The following ADAM17 variants were observed in gnomAD, a reference collection of about 807,000 sequenced individuals.
The protein encoded by ADAM17 is disintegrin and metalloproteinase domain-containing protein 17.
A neutral mutation model predicts 96.7 loss-of-function variants in ADAM17; 39 were observed. The ratio of observed to expected loss-of-function variants is 0.40; its 90% CI spans 0.31 to 0.53. The LOEUF (loss-of-function observed/expected upper bound fraction) is 0.53. Among genes scored for constraint, ADAM17 ranks in the 20% least tolerant of loss-of-function variants. ADAM17 has a pLI of 0.44. For synonymous variants in ADAM17, 344 were observed against 359.2 expected, an observed-to-expected ratio of 0.96 and a Z score of 0.48; for missense variants, 777 against 1,013.2, an observed-to-expected ratio of 0.77 and a Z score of 3.17.
At position 9,490,216 on chromosome 2, in the gene ADAM17, C is replaced by T; in HGVS notation, c.2436G>A (p.Gln812=). 1 of 1,601,042 alleles carries T rather than the reference C, an allele frequency of 6.2e-7. No homozygotes were observed. Among genetic ancestry groups the T allele is most frequent in the Admixed American group, 1.7e-5 (1 of 59,846 alleles). The change falls in exon 19 of 19, where the codon CAG becomes CAA. Residue 812 remains glutamine, a synonymous_variant. Transcript: ENST00000310823. ...CTTTGCTGTCAACACGATTCTGACG[C>T]TGCAGTTTAAAGGAGGCAGCCTTTT... ...RSEKAASFKL[Q]RQNRVDSKET...
chr2:9,496,147 G>T (rs1662580494), intron 14 of ADAM17, among the ~76,000 whole-genome samples: 1 of 151,734 alleles, frequency 6.6e-6, no homozygotes, highest in South Asian at 2.1e-4. Context: ...TTATTTATTT[G>T]AAATGGAGTC....
chr2:9,548,109 G>A (rs1028070836), intron 1 of ADAM17, among the ~76,000 whole-genome samples: 2 of 151,420 alleles, frequency 1.3e-5, no homozygotes, highest in Admixed American at 1.3e-4. Flanking sequence ...CAAGGTGGGC[G>A]ATCACTTGAG....
intron 4 of ADAM17, among the ~76,000 whole-genome samples, chr2:9,530,327 G>A (rs1376731304): frequency 3.3e-5 from 5 of 152,070 alleles, no homozygotes; most frequent in Admixed American, 6.5e-5. Flanking sequence ...GCTGGCTTTG[G>A]GATCAGATAT....
At chr2:9,544,375 A>G (rs1195612404) in intron 1 of ADAM17, among the ~76,000 whole-genome samples, 1 of 151,814 alleles carries the variant, frequency 6.6e-6, no homozygotes, top group East Asian at 1.9e-4. Flanking sequence ...TCTACTAAAA[A>G]TACAAAATTA....
intron 6 of ADAM17, among the ~76,000 whole-genome samples, chr2:9,524,083 C>T (rs567835927): frequency 9.3e-5 from 14 of 151,278 alleles, no homozygotes; most frequent in African/African-American, 3.4e-4. Context: ...TTTCCTTTCT[C>T]TAGCTTACTT....
chr2:9,491,926 C>T (rs937459730), intron 17 of ADAM17, among the ~76,000 whole-genome samples: 4 of 152,214 alleles, frequency 2.6e-5, no homozygotes, highest in East Asian at 3.8e-4. Flanking sequence ...TAGAAGCAAT[C>T]GTGATGGATG....
In ADAM17 at chr2:9,526,239, C is replaced by T. The variant is rs1397135414; in HGVS notation, c.625G>A (p.Val209Ile). The T allele has an allele frequency of 6.2e-7, 1 of 1,613,388 alleles. No individual in the cohort carries two copies. Among genetic ancestry groups the T allele is most frequent in the Admixed American group, 1.7e-5 (1 of 59,910 alleles). ...LVDREPPEEL[V>I]HRVKRRADPD... is the part of the protein sequence containing the mutation. ...TCAGCTCTTCTTTTCACTCGATGAA[C>T]AAGCTCTAATATGAATTTGTATGCA... Residue 209 changes from valine (V) to isoleucine (I), a missense_variant, in exon 6 of 19, where the codon GTT becomes ATT. Val to Ile is a conservative substitution (Grantham distance 29). This residue lies in a region of ADAM17 where 446 missense variants were observed against 664.7 expected (regional missense o/e 0.67). Coordinates refer to ENST00000310823, the MANE Select transcript of ADAM17 (RefSeq NM_003183.6).
At chr2:9,538,369 C>T (rs1487008105) in intron 2 of ADAM17, among the ~76,000 whole-genome samples, 1 of 152,124 alleles carries the variant, frequency 6.6e-6, no homozygotes, top group Non-Finnish European at 1.5e-5. Flanking sequence ...ATATTTTTAA[C>T]TTTTTGAGCA....
intron 2 of ADAM17, among the ~76,000 whole-genome samples, chr2:9,537,092 T>C (rs1294150088): frequency 6.6e-6 from 1 of 152,208 alleles, no homozygotes; most frequent in Non-Finnish European, 1.5e-5. Flanking sequence ...TCATCTCTCC[T>C]GGAAAACACT....
At chr2:9,525,298 T>TG (rs1178991437) in intron 6 of ADAM17, among the ~76,000 whole-genome samples, 1 of 123,412 alleles carries the variant, frequency 8.1e-6, no homozygotes, top group African/African-American at 3.2e-5. Flanking sequence ...GACTCTGTGT[T>TG]GAAAAAAAAA....
chr2:9,514,518 A>ATAT (rs1663932935), intron 10 of ADAM17, among the ~76,000 whole-genome samples: 11 of 89,858 alleles, frequency 1.2e-4, no homozygotes, highest in African/African-American at 3.6e-4. Flanking sequence ...TTAAAATATA[A>ATAT]ATATATATAT....
At chr2:9,537,369 T>C (rs1664997176) in intron 2 of ADAM17, among the ~76,000 whole-genome samples, 1 of 152,196 alleles carries the variant, frequency 6.6e-6, no homozygotes, top group Non-Finnish European at 1.5e-5. Context: ...GCTGTCTCTA[T>C]CAAGCTGGGT....
At chr2:9,521,395 T>C in intron 7 of ADAM17, 79 bp from the exon 8 acceptor site, 1 of 1,016,152 alleles carries the variant, frequency 9.8e-7, no homozygotes, top group East Asian at 2.6e-5. Flanking sequence ...ATTTTATCTG[T>C]TCAAAAAAAG....
At chr2:9,523,428 C>A in intron 6 of ADAM17, 90 bp from the exon 7 acceptor site, 1 of 1,210,034 alleles carries the variant, frequency 8.3e-7, no homozygotes, top group Non-Finnish European at 1.2e-6. Context: ...AAGAAAAAAT[C>A]TCAGTTTAGA....
intron 17 of ADAM17, among the ~76,000 whole-genome samples, chr2:9,492,137 CAG>C (rs1000964741): frequency 6.6e-6 from 1 of 152,178 alleles, no homozygotes; most frequent in African/African-American, 2.4e-5. Flanking sequence ...CCTTTGTCAT[CAG>C]AGTTGTGCTG....
chr2:9,521,148 C>T, intron 8 of ADAM17, 55 bp downstream of exon 8: 1 of 1,353,286 alleles, frequency 7.4e-7, no homozygotes, highest in Admixed American at 1.7e-5. Context: ...ATACAATCCA[C>T]ATATCAGAAA....
intron 11 of ADAM17, among the ~76,000 whole-genome samples, chr2:9,507,234 A>C (rs34170071): frequency 0.52 from 78,784 of 151,982 alleles, 21,340 homozygotes; most frequent in Middle Eastern, 0.67. Flanking sequence ...TCATGCCTGT[A>C]ATCCCAGCAC....
At chr2:9,504,799 G>A (rs1214467567) in intron 12 of ADAM17, among the ~76,000 whole-genome samples, 1 of 151,720 alleles carries the variant, frequency 6.6e-6, no homozygotes, top group Non-Finnish European at 1.5e-5. Flanking sequence ...TTAACTATAG[G>A]ACTGCTAAAC....
At chr2:9,522,469 G>A (rs1191317666) in intron 7 of ADAM17, 1 of 583,828 alleles carries the variant, frequency 1.7e-6, no homozygotes, top group Non-Finnish European at 3.2e-6. Context: ...CAGTGAAAGA[G>A]AATGAAAAGG....
Sources: gnomAD v4.1 joint callset for allele counts (sites outside exome capture counted in the v4.1 genomes callset) on GRCh38, gnomAD v4.1.1 for gene constraint, gnomAD v4.1.1 regional missense constraint, MANE v1.5 for transcripts, NCBI Gene and HGNC (gene_info 2026-07-23, HGNC 2026-07-21) for gene names.